Variants in UTP14A observed in about 807,000 individuals in gnomAD.
UTP14A encodes UTP14A small subunit processome component.
In UTP14A, 5 loss-of-function variants were observed where a neutral mutation model predicts 57.2. The observed-to-expected ratio is 0.09, with a 90% CI of 0.05 to 0.18. UTP14A has a LOEUF of 0.18. Ranked by LOEUF, UTP14A falls within the 10% of genes least tolerant of loss-of-function variation. The probability of loss-of-function intolerance (pLI) is 1.00; values close to 1 mark genes in which losing one functional copy is unlikely to be tolerated. For synonymous variants in UTP14A, 169 were observed against 210.9 expected (o/e 0.80, Z 1.72); for missense variants, 430 against 562.1 (o/e 0.76, Z 2.38).
At chrX:129,923,485 GGCTGGTCTCAAACT>G (rs1716427508) in intron 11 of UTP14A, among the ~76,000 whole-genome samples, 1 of 111,781 alleles carries the variant, frequency 8.9e-6, no homozygotes, top group South Asian at 3.7e-4. Context: ...ATGTTGGTCA[GGCTGGTCTCAAACT>G]CCTGGCTTCA....
At chrX:129,909,365 G>A (rs1195251850) in intron 4 of UTP14A, among the ~76,000 whole-genome samples, 9 of 110,314 alleles carry the variant, frequency 8.2e-5, no homozygotes, top group Admixed American at 2.9e-4. Flanking sequence ...GCCCGCCACC[G>A]CGCCTGGCTA....
At chrX:129,921,894 C>T (rs893198477) in intron 11 of UTP14A, 17 of 229,035 alleles carry the variant, frequency 7.4e-5, no homozygotes, top group Middle Eastern at 1.3e-3. Flanking sequence ...TATGAGTTAG[C>T]GTTCCTGGTA....
intron 5 of UTP14A, 51 bp from the exon 6 acceptor site, chrX:129,911,715 T>C (rs1397129171): frequency 8.4e-7 from 1 of 1,190,835 alleles, no homozygotes; most frequent in South Asian, 1.8e-5. Flanking sequence ...CCTTTGGGTT[T>C]GATGCTTTAA....
At chrX:129,921,868 A>C in intron 11 of UTP14A, 1 of 287,048 alleles carries the variant, frequency 3.5e-6, no homozygotes, top group Non-Finnish European at 6.1e-6. Context: ...TAACTAAACC[A>C]TACTCGAAGT....
At chrX:129,920,170 CAG>C (rs1929853243) in intron 8 of UTP14A, among the ~76,000 whole-genome samples, 2 of 109,406 alleles carry the variant, frequency 1.8e-5, no homozygotes, top group South Asian at 7.7e-4. Context: ...GCCTGAGTGA[CAG>C]AGTGAGACCC....
At chrX:129,928,363 A>C (rs1277833341) in intron 14 of UTP14A, among the ~76,000 whole-genome samples, 98 of 62,597 alleles carry the variant, frequency 1.6e-3, no homozygotes, top group Middle Eastern at 0.021. Context: ...CCAGCCTGGG[A>C]GACAGAGCGA....
In UTP14A at chrX:129,908,738, A is replaced by C. The variant is rs1224588577; in HGVS notation, c.238+4A>C. Reference sequence around the variant, plus strand: ...GAGTTCAATGTCAGTTCTGAAGGTAAGTTGAACAAAGGAAGATACCCATGC... The same window carrying C: ...GAGTTCAATGTCAGTTCTGAAGGTACGTTGAACAAAGGAAGATACCCATGC... On this transcript the variant is annotated splice_donor_region_variant and intron_variant, in intron 4 of 14. Transcript: ENST00000394422. 6 of 1,207,890 alleles carry C rather than the reference A, an allele frequency of 5.0e-6. No individual in the cohort carries two copies. The highest frequency in any genetic ancestry group is 1.8e-5 in the South Asian group (1 of 56,895).
intron 12 of UTP14A, 128 bp from the exon 13 acceptor site, chrX:129,925,791 C>T (rs1930081475): frequency 2.4e-6 from 2 of 837,418 alleles, no homozygotes; most frequent in African/African-American, 4.1e-5. Flanking sequence ...TGGTTTGTAT[C>T]GCAAGACCAT....
chrX:129,922,827 G>T (rs1261813702), intron 11 of UTP14A: 4 of 109,939 alleles, frequency 3.6e-5, no homozygotes, highest in Non-Finnish European at 7.6e-5. Flanking sequence ...GTTTTGGCTG[G>T]ATATTTTTGG....
chrX:129,928,965 T>C (rs1462665031), intron 14 of UTP14A, among the ~76,000 whole-genome samples: 1 of 100,404 alleles, frequency 1.0e-5, no homozygotes, highest in Admixed American at 1.1e-4. Context: ...AGCTACTTGG[T>C]AGGCAGAGGT....
intron 14 of UTP14A, among the ~76,000 whole-genome samples, chrX:129,928,952 C>T (rs1200195954): frequency 9.2e-6 from 1 of 108,967 alleles, no homozygotes; most frequent in Non-Finnish European, 1.9e-5. Context: ...CACTTGTAAT[C>T]CCAGCTACTT....
At chrX:129,924,514 T>C (rs763339286) in intron 11 of UTP14A, among the ~76,000 whole-genome samples, 1 of 107,684 alleles carries the variant, frequency 9.3e-6, no homozygotes, top group East Asian at 3.0e-4. Context: ...CTCGATCTCC[T>C]GACCTCATGA....
Position 129,908,044 on chromosome X carries a change from C to T in UTP14A, c.103-16C>T. ...CTCCCCCTCATCCTGATTGTTTTTC[C>T]TTTTCTGTGTCTTAGGGGGACAATG... On this transcript the variant is annotated splice_polypyrimidine_tract_variant and intron_variant, in intron 2 of 14. Transcript: ENST00000394422. 8.3e-7 allele frequency: 1 copy of T among 1,199,657 alleles called. No homozygotes were observed. The highest frequency in any genetic ancestry group is 1.1e-6 in the Non-Finnish European group (1 of 888,404).
chrX:129,920,487 C>T lies in UTP14A; in HGVS notation c.783C>T (p.Ala261=). The T allele has an allele frequency of 1.7e-6, 2 of 1,211,968 alleles. No individual in the cohort carries two copies. The highest frequency in any genetic ancestry group is 1.1e-6 in the Non-Finnish European group (1 of 895,602). The part of the protein sequence containing the change: ...KYHKVVKKGK[A]KKALKEFEQL... ...ACAAAGTCGTGAAGAAAGGAAAGGCCAAGAAAGCCCTAAAAGAGTTTGAGC... is the reference window on the plus strand; with the variant it reads ...ACAAAGTCGTGAAGAAAGGAAAGGCTAAGAAAGCCCTAAAAGAGTTTGAGC... Residue 261 remains alanine (A), a synonymous_variant, in exon 9 of 15, where the codon GCC becomes GCT. Coordinates refer to ENST00000394422, the MANE Select transcript of UTP14A (RefSeq NM_006649.4).
At chrX:129,926,632 A>G (rs1005666297) in intron 14 of UTP14A, among the ~76,000 whole-genome samples, 5 of 112,396 alleles carry the variant, frequency 4.4e-5, no homozygotes, top group African/African-American at 1.6e-4. Flanking sequence ...CAGGAGAATG[A>G]GAAGATTGTA....
chrX:129,923,625 G>C (rs770623357), intron 11 of UTP14A, among the ~76,000 whole-genome samples: 2 of 111,656 alleles, frequency 1.8e-5, no homozygotes, highest in East Asian at 5.6e-4. Context: ...TGTTGCCAGT[G>C]AAAGTGTGAG....
intron 14 of UTP14A, among the ~76,000 whole-genome samples, chrX:129,926,630 TGAG>T (rs888438017): frequency 8.9e-6 from 1 of 112,107 alleles, no homozygotes; most frequent in African/African-American, 3.2e-5. Flanking sequence ...TTCAGGAGAA[TGAG>T]AAGATTGTAA....
At chrX:129,910,743 G>A (rs753790545) in intron 4 of UTP14A, among the ~76,000 whole-genome samples, 1 of 112,339 alleles carries the variant, frequency 8.9e-6, no homozygotes, top group African/African-American at 3.2e-5. Context: ...TTGCAATGGG[G>A]CAAGAGTAGA....
intron 5 of UTP14A, 147 bp from the exon 6 acceptor site, chrX:129,911,619 A>G (rs991441467): frequency 9.3e-6 from 6 of 647,446 alleles, no homozygotes; most frequent in African/African-American, 4.5e-5. Flanking sequence ...AAGCAAGAGG[A>G]CTAGCATCCT....
Sources: allele counts gnomAD v4.1 joint callset (sites outside exome capture counted in the v4.1 genomes callset), GRCh38; gene constraint gnomAD v4.1.1; transcripts MANE v1.5; gene names NCBI Gene and HGNC (gene_info 2026-07-23, HGNC 2026-07-21).